The following RAB2A variants were observed in gnomAD, a reference collection of about 807,000 sequenced individuals.
RAB2A encodes RAB2A, member RAS oncogene family, also known as ras-related protein Rab-2A.
In RAB2A, 7 loss-of-function variants were observed where a neutral mutation model predicts 32.5. The observed-to-expected ratio is 0.22, with a 90% CI of 0.12 to 0.40. RAB2A has a LOEUF of 0.40. RAB2A is among the 10% of genes least tolerant of loss of function. The pLI is 1.00. For missense variants in RAB2A, 108 were observed against 260.7 expected (o/e 0.41, Z 4.03); for synonymous variants, 79 against 85.2 (o/e 0.93, Z 0.40).
chr8:60,522,113 A>T (rs1448970426), intron 1 of RAB2A, among the ~76,000 whole-genome samples: 1 of 152,200 alleles, frequency 6.6e-6, no homozygotes, highest in Non-Finnish European at 1.5e-5. Flanking sequence ...GGGGAAAGTT[A>T]TCAGCATAGT....
At chr8:60,554,528 G>A (rs557937691) in intron 1 of RAB2A, among the ~76,000 whole-genome samples, 10 of 152,324 alleles carry the variant, frequency 6.6e-5, no homozygotes, top group East Asian at 1.9e-4. Context: ...ATTCGGTTCC[G>A]TAAGTTTGAG....
intron 2 of RAB2A, among the ~76,000 whole-genome samples, chr8:60,568,152 A>AT (rs1808143675): frequency 6.6e-6 from 1 of 152,190 alleles, no homozygotes; most frequent in South Asian, 2.1e-4. Flanking sequence ...ATATGTTACC[A>AT]TGCTGGTAAG....
At chr8:60,612,348 C>A (rs1187084044) in intron 6 of RAB2A, among the ~76,000 whole-genome samples, 1 of 152,138 alleles carries the variant, frequency 6.6e-6, no homozygotes, top group Non-Finnish European at 1.5e-5. Context: ...GTTTAGGCTC[C>A]CTACTTTCCT....
At chr8:60,589,923 T>C (rs541652796) in intron 5 of RAB2A, among the ~76,000 whole-genome samples, 12 of 152,136 alleles carry the variant, frequency 7.9e-5, no homozygotes, top group Non-Finnish European at 1.0e-4. Flanking sequence ...ATGGAACTTA[T>C]GTATATAGGT....
chr8:60,539,276 G>A lies in RAB2A; in HGVS notation c.47-19576G>A, dbSNP rs149678175. Among the ~76,000 whole-genome samples the A allele has an allele frequency of 3.9e-5, 6 of 152,306 alleles. No homozygotes were observed. In the East Asian group the frequency reaches 7.7e-4, roughly 20 times the overall value. On this transcript the variant is annotated intron_variant, in intron 1 of 7. Transcript: ENST00000262646. ...GATAAGTGCTTAATCAAGTATGTAC[G>A]TATAGAGTAATTTGGCCTTAGCAGA...
At chr8:60,594,037 A>G (rs1687610463) in intron 6 of RAB2A, among the ~76,000 whole-genome samples, 1 of 152,298 alleles carries the variant, frequency 6.6e-6, no homozygotes, top group South Asian at 2.1e-4. Context: ...GGAAAGAAAT[A>G]GTGAACTGGA....
chr8:60,598,937 C>CAAAAAAAAAAAAGAAAAAA (rs1804078667), intron 6 of RAB2A, among the ~76,000 whole-genome samples: 1 of 40,368 alleles, frequency 2.5e-5, no homozygotes, highest in Non-Finnish European at 5.1e-5. Flanking sequence ...TGCAGTAAAG[C>CAAAAAAAAAAAAGAAAAAA]AAAAAAAAAA....
chr8:60,592,211 T>C (rs535892012), intron 6 of RAB2A: 4 of 279,386 alleles, frequency 1.4e-5, no homozygotes, highest in Non-Finnish European at 2.8e-5. Context: ...CTCCCTCCCT[T>C]TTTCTAAACA....
intron 2 of RAB2A, among the ~76,000 whole-genome samples, chr8:60,565,513 C>G (rs944155804): frequency 2.0e-5 from 3 of 151,700 alleles, no homozygotes; most frequent in Admixed American, 2.0e-4. Context: ...TTTCTTCCAT[C>G]AGGCTCACCA....
chr8:60,526,968 CAAA>C (rs34685368), intron 1 of RAB2A, among the ~76,000 whole-genome samples: 7 of 91,612 alleles, frequency 7.6e-5, no homozygotes, highest in Non-Finnish European at 7.0e-5. Flanking sequence ...GACTCCATCT[CAAA>C]AAAAAAAAAA....
At chr8:60,543,372 GTCTTCATTCACTTAACTGTA>G (rs1563463866) in intron 1 of RAB2A, among the ~76,000 whole-genome samples, 1 of 106,244 alleles carries the variant, frequency 9.4e-6, no homozygotes, top group African/African-American at 4.3e-5. Context: ...CTCTATCCCT[GTCTTCATTCACTTAACTGTA>G]CTCTCTATCC....
intron 2 of RAB2A, among the ~76,000 whole-genome samples, chr8:60,571,180 G>A (rs1229147279): frequency 6.6e-6 from 1 of 152,180 alleles, no homozygotes; most frequent in African/African-American, 2.4e-5. Flanking sequence ...AAACTTGTAA[G>A]TGTGAAGTCT....
chr8:60,557,187 C>T (rs1410328603), intron 1 of RAB2A, among the ~76,000 whole-genome samples: 1 of 152,108 alleles, frequency 6.6e-6, no homozygotes, highest in Non-Finnish European at 1.5e-5. Flanking sequence ...TTTTGAAATT[C>T]CAGTTTCTTT....
intron 2 of RAB2A, among the ~76,000 whole-genome samples, chr8:60,569,752 A>G (rs1275317595): frequency 2.0e-5 from 3 of 152,234 alleles, no homozygotes; most frequent in South Asian, 2.1e-4. Flanking sequence ...GGCTCAAGCA[A>G]TCCTCCCGTC....
At chr8:60,586,933 GAAAAA>G (rs200377607) in intron 5 of RAB2A, among the ~76,000 whole-genome samples, 1 of 63,938 alleles carries the variant, frequency 1.6e-5, no homozygotes, top group African/African-American at 4.4e-5. Flanking sequence ...CTGTCTCCAA[GAAAAA>G]AAAAAAAAAA....
At chr8:60,594,001 G>A (rs1246015994) in intron 6 of RAB2A, among the ~76,000 whole-genome samples, 1 of 152,006 alleles carries the variant, frequency 6.6e-6, no homozygotes, top group Non-Finnish European at 1.5e-5. Flanking sequence ...CTTAGTGAAT[G>A]GACTCAACAG....
At chr8:60,603,057 T>C (rs1361017619) in intron 6 of RAB2A, among the ~76,000 whole-genome samples, 1 of 152,164 alleles carries the variant, frequency 6.6e-6, no homozygotes, top group Non-Finnish European at 1.5e-5. Flanking sequence ...CTAGTGACAG[T>C]GGTGGTTGGT....
intron 2 of RAB2A, among the ~76,000 whole-genome samples, chr8:60,571,804 T>G (rs2130840148): frequency 6.6e-6 from 1 of 152,302 alleles, no homozygotes; most frequent in East Asian, 1.9e-4. Flanking sequence ...CACAGTTGGT[T>G]TCTAATATTG....
At chr8:60,523,399 C>T (rs546290325) in intron 1 of RAB2A, among the ~76,000 whole-genome samples, 5 of 151,936 alleles carry the variant, frequency 3.3e-5, no homozygotes, top group Non-Finnish European at 5.9e-5. Context: ...CCTCGTGATC[C>T]GCCCGCCTCT....
Sources: allele counts gnomAD v4.1 joint callset (sites outside exome capture counted in the v4.1 genomes callset), GRCh38; gene constraint gnomAD v4.1.1; transcripts MANE v1.5; gene names NCBI Gene and HGNC (gene_info 2026-07-23, HGNC 2026-07-21).